The following GRID1 variants were observed in gnomAD, a reference collection of about 807,000 sequenced individuals.
GRID1 encodes glutamate receptor ionotropic, delta-1.
Under a neutral mutation model 98.0 loss-of-function variants are expected in GRID1, and 28 were observed. The ratio of observed to expected loss-of-function variants is 0.29; its 90% CI spans 0.21 to 0.39. The LOEUF (loss-of-function observed/expected upper bound fraction) is 0.39, where lower values mean the gene tolerates loss of function less well. GRID1 is among the 10% of genes least tolerant of loss of function. The pLI, the probability that GRID1 is intolerant of heterozygous loss-of-function variation, is 1.00. For synonymous variants in GRID1, 553 were observed against 538.5 expected, an observed-to-expected ratio of 1.03 and a Z score of -0.37; for missense variants, 1,111 against 1,340.5, an observed-to-expected ratio of 0.83 and a Z score of 2.67.
intron 3 of GRID1, among the ~76,000 whole-genome samples, chr10:86,184,461 C>CTTTTTTTTTTTTTTTTT (rs1198471392): frequency 8.1e-6 from 1 of 123,042 alleles, no homozygotes; most frequent in Non-Finnish European, 1.7e-5. Flanking sequence ...TTTCTTTTTT[C>CTTTTTTTTTTTTTTTTT]TTTTTTTTTT....
At position 85,651,993 on chromosome 10, in the gene GRID1, G is replaced by T. The variant is rs537450931; in HGVS notation, c.1998-4596C>A. Among the ~76,000 whole-genome samples, 123 of 152,286 alleles carry T rather than the reference G, an allele frequency of 8.1e-4. 1 individual carries two copies. The South Asian group carries it at 0.011, about 13-fold the overall frequency. ...CTGTTTCTCTGTATCTCCTGACCTG[G>T]ATTACCGATTTTTGAAATTTCCACA... On this transcript the variant is annotated intron_variant, in intron 12 of 15. Transcript: ENST00000327946.
chr10:85,829,174 C>T (rs182561117), intron 8 of GRID1, among the ~76,000 whole-genome samples: 355 of 152,014 alleles, frequency 2.3e-3, no homozygotes, highest in South Asian at 5.6e-3. Context: ...TAATGTGATT[C>T]GTCACATAAA....
At chr10:86,247,525 A>C (rs1343431661) in intron 2 of GRID1, among the ~76,000 whole-genome samples, 1 of 152,238 alleles carries the variant, frequency 6.6e-6, no homozygotes, top group Admixed American at 6.5e-5. Flanking sequence ...GTCACCAAAA[A>C]AGAGACCAAA....
intron 2 of GRID1, among the ~76,000 whole-genome samples, chr10:86,220,495 T>A (rs1268689427): frequency 6.6e-6 from 1 of 152,126 alleles, no homozygotes; most frequent in Non-Finnish European, 1.5e-5. Context: ...TACAGGTAAC[T>A]TACCACCCAC....
At chr10:86,185,412 A>G (rs75305455) in intron 3 of GRID1, among the ~76,000 whole-genome samples, 1,925 of 152,244 alleles carry the variant, frequency 0.013, 41 homozygotes, top group African/African-American at 0.044. Flanking sequence ...TCATATAATC[A>G]GTAAATTTAA....
chr10:86,211,478 T>A (rs1400012096), intron 2 of GRID1, among the ~76,000 whole-genome samples: 1 of 152,088 alleles, frequency 6.6e-6, no homozygotes, highest in Non-Finnish European at 1.5e-5. Context: ...TACTCAGAGC[T>A]CGGCATTGGG....
At chr10:85,824,303 C>T (rs924628352) in intron 8 of GRID1, among the ~76,000 whole-genome samples, 3 of 152,144 alleles carry the variant, frequency 2.0e-5, no homozygotes, top group African/African-American at 7.2e-5. Flanking sequence ...CCTCCACCTC[C>T]CGGGTTCAAG....
intron 2 of GRID1, among the ~76,000 whole-genome samples, chr10:86,354,312 C>A (rs1439602886): frequency 6.6e-6 from 1 of 152,264 alleles, no homozygotes; most frequent in Non-Finnish European, 1.5e-5. Flanking sequence ...CAGACAGGAC[C>A]CAGAGACCAA....
intron 8 of GRID1, among the ~76,000 whole-genome samples, chr10:85,775,223 A>G (rs1233787099): frequency 1.3e-5 from 2 of 152,014 alleles, no homozygotes; most frequent in Admixed American, 6.6e-5. Flanking sequence ...AACTATCACA[A>G]GAACAAAAAA....
intron 2 of GRID1, among the ~76,000 whole-genome samples, chr10:86,325,258 T>C (rs2132098496): frequency 6.6e-6 from 1 of 152,332 alleles, no homozygotes; most frequent in East Asian, 1.9e-4. Flanking sequence ...CTGCATATAT[T>C]AACTAATATC....
intron 2 of GRID1, among the ~76,000 whole-genome samples, chr10:86,333,823 G>A (rs1442719702): frequency 1.3e-5 from 2 of 152,118 alleles, no homozygotes; most frequent in African/African-American, 2.4e-5. Flanking sequence ...TCTTCACATT[G>A]AGTAGGCTGA....
intron 4 of GRID1, among the ~76,000 whole-genome samples, chr10:86,058,475 AC>A (rs1843604977): frequency 6.6e-6 from 1 of 152,184 alleles, no homozygotes; most frequent in Non-Finnish European, 1.5e-5. Context: ...AAATACCAAA[AC>A]TGGCTGATTA....
At chr10:86,146,730 T>G (rs1845094609) in intron 3 of GRID1, among the ~76,000 whole-genome samples, 1 of 152,176 alleles carries the variant, frequency 6.6e-6, no homozygotes, top group African/African-American at 2.4e-5. Flanking sequence ...ATTTTAAAAC[T>G]TCACAGCCCT....
chr10:86,018,073 G>A (rs888048217), intron 4 of GRID1, among the ~76,000 whole-genome samples: 24 of 152,194 alleles, frequency 1.6e-4, no homozygotes, highest in African/African-American at 5.1e-4. Context: ...GCAAGGTGCT[G>A]TACTTGTCCC....
chr10:86,361,465 G>T (rs537174425), intron 2 of GRID1, among the ~76,000 whole-genome samples: 1 of 152,220 alleles, frequency 6.6e-6, no homozygotes, highest in African/African-American at 2.4e-5. Flanking sequence ...TAACTCCCTA[G>T]TTCCAGACAT....
intron 12 of GRID1, among the ~76,000 whole-genome samples, chr10:85,652,075 T>C (rs765066329): frequency 1.6e-4 from 24 of 152,198 alleles, no homozygotes; most frequent in Non-Finnish European, 1.9e-4. Flanking sequence ...AAAAGGACTT[T>C]GTAAGCATCC....
chr10:86,342,914 C>T (rs950349661), intron 2 of GRID1, among the ~76,000 whole-genome samples: 2 of 152,238 alleles, frequency 1.3e-5, no homozygotes, highest in Admixed American at 6.5e-5. Context: ...AAGATCCTGG[C>T]GTTCCTTGGT....
At chr10:86,330,416 C>T (rs552459322) in intron 2 of GRID1, among the ~76,000 whole-genome samples, 6 of 152,246 alleles carry the variant, frequency 3.9e-5, no homozygotes. Flanking sequence ...GGGCTGGACA[C>T]GTTTCCCTCT....
intron 2 of GRID1, among the ~76,000 whole-genome samples, chr10:86,318,507 GC>G (rs1453505595): frequency 2.0e-5 from 3 of 152,224 alleles, no homozygotes; most frequent in African/African-American, 7.2e-5. Flanking sequence ...TCAGATTGCA[GC>G]CCCCTCCTGC....
Sources: allele counts gnomAD v4.1 joint callset (sites outside exome capture counted in the v4.1 genomes callset), GRCh38; gene constraint gnomAD v4.1.1; transcripts MANE v1.5; gene names NCBI Gene and HGNC (gene_info 2026-07-23, HGNC 2026-07-21).